Variants in PPP6R2 observed in about 807,000 individuals in gnomAD.
The protein encoded by PPP6R2 is serine/threonine-protein phosphatase 6 regulatory subunit 2.
PPP6R2 carries 62 observed loss-of-function variants against 100.2 expected under a neutral mutation model. That is an observed-to-expected ratio of 0.62 (90% CI 0.50 to 0.76). The LOEUF (loss-of-function observed/expected upper bound fraction) is 0.76, where lower values mean the gene tolerates loss of function less well. Ranked by LOEUF, PPP6R2 falls within the 30% of genes least tolerant of loss-of-function variation. The pLI, the probability that PPP6R2 is intolerant of heterozygous loss-of-function variation, is 0.00. For missense variants in PPP6R2, 1,142 were observed against 1,276.3 expected, an observed-to-expected ratio of 0.89 and a Z score of 1.60; for synonymous variants, 525 against 514.7, an observed-to-expected ratio of 1.02 and a Z score of -0.27.
At chr22:50,389,646 T>C (rs1375591241) in intron 2 of PPP6R2, among the ~76,000 whole-genome samples, 1 of 151,742 alleles carries the variant, frequency 6.6e-6, no homozygotes, top group African/African-American at 2.4e-5. Context: ...TCGCCCAGGC[T>C]GGAGTGTAGT....
At chr22:50,432,588 C>T (rs866462061) in intron 12 of PPP6R2, among the ~76,000 whole-genome samples, 1 of 152,142 alleles carries the variant, frequency 6.6e-6, no homozygotes, top group Non-Finnish European at 1.5e-5. Context: ...TGCTCTGGCC[C>T]CCGCCCAGCC....
At chr22:50,398,227 G>A (rs1162279202) in intron 3 of PPP6R2, among the ~76,000 whole-genome samples, 20 of 149,676 alleles carry the variant, frequency 1.3e-4, no homozygotes, top group Middle Eastern at 3.4e-3. Context: ...GCTGGAGTAC[G>A]GTGGTGCGAT....
Position 50,431,343 on chromosome 22 carries a change from G to T in PPP6R2, c.1296G>T (p.Gln432His). 1.2e-6 allele frequency: 2 copies of T among 1,612,948 alleles called. No individual in the cohort carries two copies. Among genetic ancestry groups the T allele is most frequent in the Non-Finnish European group, 1.7e-6 (2 of 1,179,986 alleles). ...ENGNRSLETP[Q>H]PAASLPDNTM... ...GGAACCGGAGCCTGGAGACTCCCCA[G>T]CCGGCCGCCAGCCTCCCTGACAACA... Residue 432 changes from glutamine to histidine, a missense_variant, in exon 11 of 24, where the codon CAG (glutamine) becomes CAT (histidine). Coordinates refer to ENST00000612753, the MANE Select transcript of PPP6R2 (RefSeq NM_001242898.2). This position sits in a 1 kb window ranked among gnomAD's most constrained non-coding sequence, Gnocchi z 4.8.
chr22:50,357,373 CTT>C (rs969757756), intron 1 of PPP6R2, among the ~76,000 whole-genome samples: 12 of 151,598 alleles, frequency 7.9e-5, no homozygotes, highest in Admixed American at 1.3e-4. Flanking sequence ...CTTATTTTCT[CTT>C]TCTCTTTCAT....
chr22:50,414,803 C>T (rs567396466), intron 5 of PPP6R2, 114 bp downstream of exon 5: 8 of 1,220,908 alleles, frequency 6.6e-6, no homozygotes, highest in East Asian at 2.6e-5. Flanking sequence ...CTCCACCTAG[C>T]GTGCATTTCT....
intron 1 of PPP6R2, among the ~76,000 whole-genome samples, chr22:50,363,250 G>A (rs866414192): frequency 5.3e-5 from 8 of 152,068 alleles, no homozygotes; most frequent in Admixed American, 3.9e-4. Flanking sequence ...TGTCTTTTCC[G>A]CCAGCTTCCT....
Position 50,437,579 on chromosome 22 carries a change from T to C in PPP6R2, c.1757T>C (p.Phe586Ser). ...VDQFGFNDEE[F>S]ADQDDNINAP... Reference sequence around the variant, plus strand: ...CAGTTTGGCTTCAATGATGAGGAGTTTGCCGACCAGGACGACAACATCAAG... The same window carrying C: ...CAGTTTGGCTTCAATGATGAGGAGTCTGCCGACCAGGACGACAACATCAAG... The change falls in exon 16 of 24, where the codon TTT becomes TCT. Residue 586 changes from phenylalanine to serine, a missense_variant. By Grantham distance (155) the Phe-to-Ser change is radical. Coordinates refer to ENST00000612753, the MANE Select transcript of PPP6R2 (RefSeq NM_001242898.2). The C allele has an allele frequency of 6.2e-7, 1 of 1,610,714 alleles. No homozygotes were observed. Among genetic ancestry groups the C allele is most frequent in the South Asian group, 1.1e-5 (1 of 91,012 alleles).
chr22:50,361,817 A>G (rs1366517608), intron 1 of PPP6R2, among the ~76,000 whole-genome samples: 1 of 152,104 alleles, frequency 6.6e-6, no homozygotes, highest in Non-Finnish European at 1.5e-5. Flanking sequence ...GGTGCGGACT[A>G]GGGCCTTGCT....
At chr22:50,393,283 C>A in intron 2 of PPP6R2, 1 of 554,376 alleles carries the variant, frequency 1.8e-6, no homozygotes, top group Non-Finnish European at 2.3e-6. Flanking sequence ...AAGATGGGGA[C>A]GATGAGTGGA....
chr22:50,342,046 G>A (rs2042459826), upstream of PPP6R2, among the ~76,000 whole-genome samples: 1 of 151,658 alleles, frequency 6.6e-6, no homozygotes, highest in African/African-American at 2.4e-5. Context: ...TGCACTGGCT[G>A]AGCACAGGAG....
intron 4 of PPP6R2, among the ~76,000 whole-genome samples, chr22:50,413,721 A>C (rs528400784): frequency 1.6e-5 from 2 of 127,144 alleles, no homozygotes; most frequent in African/African-American, 3.1e-5. Flanking sequence ...TCCTTTTCCT[A>C]CTGTCCCTCC....
At chr22:50,399,900 C>T (rs914087884) in intron 3 of PPP6R2, among the ~76,000 whole-genome samples, 1 of 152,254 alleles carries the variant, frequency 6.6e-6, no homozygotes, top group East Asian at 1.9e-4. Context: ...AGCCCTAGAG[C>T]CTGGGGATGC....
chr22:50,336,877 T>A, the PPP6R2 span, among the ~76,000 whole-genome samples: 7 of 152,246 alleles, frequency 4.6e-5, no homozygotes, highest in South Asian at 2.1e-4. Context: ...CAGCTAATTT[T>A]AAAAATTTTT....
At chr22:50,391,178 A>T (rs2055436698) in intron 2 of PPP6R2, among the ~76,000 whole-genome samples, 2 of 151,668 alleles carry the variant, frequency 1.3e-5, no homozygotes, top group South Asian at 4.2e-4. Context: ...TCACACCTGT[A>T]ATCCCAGCAC....
At chr22:50,444,167 C>T (rs774583728) in intron 23 of PPP6R2, 32 bp from the exon 24 acceptor site, 40 of 1,612,176 alleles carry the variant, frequency 2.5e-5, no homozygotes, top group Non-Finnish European at 3.1e-5. Context: ...GCCCGCAGCC[C>T]GCACGGTTCC....
At chr22:50,338,999 T>C (rs1427320395), upstream of PPP6R2, among the ~76,000 whole-genome samples, 1 of 121,700 alleles carries the variant, frequency 8.2e-6, no homozygotes, top group East Asian at 2.3e-4. Flanking sequence ...GTAGTATGTG[T>C]GGTATGTGGT....
chr22:50,374,528 G>A (rs557715040), intron 2 of PPP6R2, among the ~76,000 whole-genome samples: 18 of 152,230 alleles, frequency 1.2e-4, no homozygotes, highest in Admixed American at 7.9e-4. Flanking sequence ...TGTATTATTC[G>A]AAGTATTAAT....
rs2062035935 is a variant in PPP6R2, at chr22:50,425,880, T to TG, written c.1125+2267dup. Among the ~76,000 whole-genome samples the TG allele has an allele frequency of 2.1e-5, 3 of 140,014 alleles. No homozygotes were observed. The South Asian group carries it at 6.5e-4, about 31-fold the overall frequency. The allele number at this position is 140,014 out of a possible 152,430, so 91.9% of individuals were successfully genotyped here. A position where few individuals can be genotyped will look rare whatever the true frequency, so the allele number is the denominator to read the frequency against. On this transcript the variant is annotated intron_variant, in intron 10 of 23. Transcript: ENST00000612753. ...CCATTTTTGAATTGAGTTTTTTTTT[T>TG]GTTTTTTTTTTTTAGTTTTAGAAGT...
chr22:50,364,453 A>T (rs2048357466), intron 1 of PPP6R2, among the ~76,000 whole-genome samples: 2 of 152,238 alleles, frequency 1.3e-5, no homozygotes, highest in Admixed American at 1.3e-4. Flanking sequence ...AAGGAGGCAC[A>T]TACAAACAAA....
Sources: allele counts gnomAD v4.1 joint callset (sites outside exome capture counted in the v4.1 genomes callset), GRCh38; gene constraint gnomAD v4.1.1; non-coding constraint Gnocchi (gnomAD v3.1); transcripts MANE v1.5; gene names NCBI Gene and HGNC (gene_info 2026-07-23, HGNC 2026-07-21).